The following PPP2CA variants were observed in gnomAD, a reference collection of about 807,000 sequenced individuals.
PPP2CA encodes serine/threonine-protein phosphatase 2A catalytic subunit alpha isoform.
In PPP2CA, 5 loss-of-function variants were observed where a neutral mutation model predicts 38.8. The observed-to-expected ratio is 0.13, with a 90% CI of 0.07 to 0.27. The LOEUF (loss-of-function observed/expected upper bound fraction) is 0.27. Ranked by LOEUF, PPP2CA falls within the 10% of genes least tolerant of loss-of-function variation. The pLI is 1.00. For synonymous variants in PPP2CA, 152 were observed against 134.0 expected (o/e 1.13, Z -0.93); for missense variants, 88 against 389.7 (o/e 0.23, Z 6.52).
chr5:134,219,989 C>T (rs974224249), intron 1 of PPP2CA, among the ~76,000 whole-genome samples: 7 of 127,648 alleles, frequency 5.5e-5, no homozygotes, highest in Admixed American at 2.8e-4. Flanking sequence ...CTGGCCTGGG[C>T]AACAGAGCGA....
intron 1 of PPP2CA, among the ~76,000 whole-genome samples, chr5:134,206,592 T>C (rs1258543844): frequency 6.6e-6 from 1 of 152,138 alleles, no homozygotes; most frequent in African/African-American, 2.4e-5. Context: ...TGGATCTTCT[T>C]GGCTCAGGAA....
At chr5:134,214,826 A>G (rs1391641835) in intron 1 of PPP2CA, among the ~76,000 whole-genome samples, 8 of 151,974 alleles carry the variant, frequency 5.3e-5, no homozygotes, top group Non-Finnish European at 1.2e-4. Context: ...TTTGCTTTGT[A>G]ATTTTTCTCC....
At chr5:134,217,625 C>G (rs902040015) in intron 1 of PPP2CA, among the ~76,000 whole-genome samples, 2 of 152,070 alleles carry the variant, frequency 1.3e-5, no homozygotes, top group African/African-American at 4.8e-5. Flanking sequence ...CAAAAAAATC[C>G]AAGGTTTGTG....
In PPP2CA at chr5:134,226,047, C is replaced by T. The variant is rs992305894; in HGVS notation, c.-186G>A. ...GCCGCTGCGCCTCCTCCTCCGCTCG[C>T]TGAGGCTCCAGAGCTCGGCTCTCTG... On this transcript the variant is annotated 5_prime_UTR_variant, in exon 1 of 7. Coordinates refer to ENST00000481195, the MANE Select transcript of PPP2CA (RefSeq NM_002715.4). 7.6e-6 allele frequency: 4 copies of T among 528,980 alleles called. No individual in the cohort carries two copies. In the African/African-American group the frequency reaches 8.2e-5, roughly 11 times the overall value. The allele number at this position is 528,980 out of a possible 1,614,324, so 32.8% of individuals were successfully genotyped here. A position where few individuals can be genotyped will look rare whatever the true frequency, so the allele number is the denominator to read the frequency against.
At position 134,195,564 on chromosome 5, in the gene PPP2CA, T is replaced by C. The variant is rs1157189228; in HGVS notation, c.*2208A>G. On this transcript the variant is annotated 3_prime_UTR_variant, in exon 7 of 7. Transcript: ENST00000481195. ...TGCCAGGCCTGTTCTTAGGGAAAGC[T>C]TTTTAGGTTTATTAATGAAAATCCT... 6.6e-6 allele frequency: 1 copy of C among 152,218 alleles called. No homozygotes were observed. 9.4% of individuals were successfully genotyped at this position (152,218 alleles called of 1,614,324 possible). A position where few individuals can be genotyped will look rare whatever the true frequency, so the allele number is the denominator to read the frequency against.
At chr5:134,205,725 T>G in intron 2 of PPP2CA, 197 bp downstream of exon 2, 1 of 438,364 alleles carries the variant, frequency 2.3e-6, no homozygotes, top group Non-Finnish European at 3.9e-6. Flanking sequence ...TTCTCCTCCT[T>G]TTGTTTTGAT....
chr5:134,197,584 T>C lies in PPP2CA; in HGVS notation c.*188A>G, dbSNP rs1246035746. 1.7e-6 allele frequency: 1 copy of C among 579,322 alleles called. No homozygotes were observed. Among genetic ancestry groups the C allele is most frequent in the African/African-American group, 1.9e-5 (1 of 53,720 alleles). 35.9% of individuals were successfully genotyped at this position (579,322 alleles called of 1,614,324 possible). A position where few individuals can be genotyped will look rare whatever the true frequency, so the allele number is the denominator to read the frequency against. On this transcript the variant is annotated 3_prime_UTR_variant, in exon 7 of 7. Transcript: ENST00000481195. ...TTCAGCATGCAATGAACTGGTTCAT[T>C]CTAAAGTGGTCACGGCTGTTGATGA...
rs115486025 is a variant in PPP2CA at position 134,224,659 on chromosome 5, C to A, written c.102+1101G>T. 3.5e-3 allele frequency among the ~76,000 whole-genome samples: 532 copies of A among 152,282 alleles called. 2 individuals are homozygous for A. The highest frequency in any genetic ancestry group is 0.012 in the African/African-American group (509 of 41,550). ...TCAGCATTTTGTGTACTTTAGAAAA[C>A]TGAGTTACAAGAATTTAAAAATACA... On this transcript the variant is annotated intron_variant, in intron 1 of 6. Transcript: ENST00000481195.
intron 1 of PPP2CA, among the ~76,000 whole-genome samples, chr5:134,213,312 C>T (rs1392831671): frequency 3.3e-5 from 5 of 152,094 alleles, no homozygotes; most frequent in African/African-American, 9.7e-5. Context: ...AAATCTACTA[C>T]GCCTGTGCTC....
intron 4 of PPP2CA, 83 bp from the exon 5 acceptor site, chr5:134,200,579 C>A: frequency 7.0e-7 from 1 of 1,435,302 alleles, no homozygotes; most frequent in South Asian, 1.3e-5. Context: ...AAGCAGCACC[C>A]TAAGCCACCC....
intron 2 of PPP2CA, among the ~76,000 whole-genome samples, chr5:134,204,939 T>A (rs1295009664): frequency 2.7e-5 from 4 of 148,498 alleles, no homozygotes; most frequent in Non-Finnish European, 4.5e-5. Flanking sequence ...TCCTCGATAT[T>A]TTTTTTTTTT....
chr5:134,206,412 C>T (rs1762084410), intron 1 of PPP2CA, among the ~76,000 whole-genome samples: 1 of 152,208 alleles, frequency 6.6e-6, no homozygotes, highest in Admixed American at 6.5e-5. Flanking sequence ...TTAGCTGTCA[C>T]ATAAAACCAA....
Position 134,197,490 on chromosome 5 carries a change from C to G in PPP2CA, c.*282G>C. ...GTTTACATCTTATTATCTGCAGTCT[C>G]TCAGAGAAAGCAAAAGTAACTACAA... On this transcript the variant is annotated 3_prime_UTR_variant, in exon 7 of 7. Transcript: ENST00000481195. 1 of 417,084 alleles carries G rather than the reference C, an allele frequency of 2.4e-6. No homozygotes were observed. The highest frequency in any genetic ancestry group is 4.4e-6 in the Non-Finnish European group (1 of 227,264). The allele number at this position is 417,084 out of a possible 1,614,324, so 25.8% of individuals were successfully genotyped here.
chr5:134,205,352 T>C (rs1762057105), intron 2 of PPP2CA, among the ~76,000 whole-genome samples: 1 of 151,506 alleles, frequency 6.6e-6, no homozygotes, highest in South Asian at 2.1e-4. Flanking sequence ...TGAACTAAAA[T>C]ATCTATTTGA....
At chr5:134,198,508 C>A (rs778003004) in intron 6 of PPP2CA, among the ~76,000 whole-genome samples, 38 of 151,954 alleles carry the variant, frequency 2.5e-4, no homozygotes, top group Non-Finnish European at 5.4e-4. Flanking sequence ...CAATGTAGAT[C>A]CATTAAAAAA....
chr5:134,215,756 C>A (rs1196721605), intron 1 of PPP2CA, among the ~76,000 whole-genome samples: 1 of 152,026 alleles, frequency 6.6e-6, no homozygotes, highest in Non-Finnish European at 1.5e-5. Context: ...CTTTAAAGTC[C>A]GGTCACCAAT....
intron 6 of PPP2CA, among the ~76,000 whole-genome samples, chr5:134,198,831 G>C (rs1040869555): frequency 6.6e-6 from 1 of 152,136 alleles, no homozygotes; most frequent in African/African-American, 2.4e-5. Flanking sequence ...CAAAGTACTG[G>C]GATTACAGGC....
intron 1 of PPP2CA, among the ~76,000 whole-genome samples, chr5:134,211,564 C>G (rs989124617): frequency 5.3e-5 from 8 of 151,102 alleles, no homozygotes; most frequent in African/African-American, 1.7e-4. Context: ...GCAACCTCCG[C>G]CTCCTAGGTT....
In PPP2CA at chr5:134,196,409, A is replaced by G. The variant is rs1317726905; in HGVS notation, c.*1363T>C. Reference sequence around the variant, plus strand: ...TCCTATTCGAAGGATAAAAGGGGAAAAACTCATTAAATGTTGAACACTGCC... The same window carrying G: ...TCCTATTCGAAGGATAAAAGGGGAAGAACTCATTAAATGTTGAACACTGCC... On this transcript the variant is annotated 3_prime_UTR_variant, in exon 7 of 7. Coordinates refer to ENST00000481195, the MANE Select transcript of PPP2CA (RefSeq NM_002715.4). 3 of 152,242 alleles carry G rather than the reference A, an allele frequency of 2.0e-5. No homozygotes were observed. The highest frequency in any genetic ancestry group is 4.4e-5 in the Non-Finnish European group (3 of 68,036). 9.4% of individuals were successfully genotyped at this position (152,242 alleles called of 1,614,324 possible).
Sources: gnomAD v4.1 joint callset for allele counts (sites outside exome capture counted in the v4.1 genomes callset) on GRCh38, gnomAD v4.1.1 for gene constraint, MANE v1.5 for transcripts, NCBI Gene and HGNC (gene_info 2026-07-23, HGNC 2026-07-21) for gene names.